RHEB: variants seen among roughly 807,000 people sequenced by gnomAD.
The protein encoded by RHEB is GTP-binding protein Rheb.
A neutral mutation model predicts 28.8 loss-of-function variants in RHEB; 2 were observed. That is an observed-to-expected ratio of 0.07 (90% CI 0.03 to 0.22). The LOEUF (loss-of-function observed/expected upper bound fraction) is 0.22. Among genes scored for constraint, RHEB ranks in the 10% least tolerant of loss-of-function variants. RHEB has a pLI of 1.00. For synonymous variants in RHEB, 69 were observed against 77.3 expected, an observed-to-expected ratio of 0.89 and a Z score of 0.56; for missense variants, 76 against 219.9, an observed-to-expected ratio of 0.35 and a Z score of 4.14.
rs879413278 is a variant in RHEB at position 151,472,523 on chromosome 7, G to A, written c.276-918C>T. Among the ~76,000 whole-genome samples the A allele has an allele frequency of 2.0e-4, 31 of 152,184 alleles. No individual in the cohort carries two copies. Among genetic ancestry groups the A allele is most frequent in the African/African-American group, 9.7e-5 (4 of 41,438 alleles). ...CTCCCAAAGTGCTGGGATTACAGGC[G>A]TGAGCCACCACACCCAGCCTCAAAT... On this transcript the variant is annotated intron_variant, in intron 4 of 7. Transcript: ENST00000262187. The surrounding 1 kb of genome is among the most constrained non-coding windows in gnomAD (Gnocchi z 5.2).
chr7:151,498,832 C>G (rs1802718763), intron 1 of RHEB, among the ~76,000 whole-genome samples: 1 of 152,208 alleles, frequency 6.6e-6, no homozygotes, highest in South Asian at 2.1e-4. Flanking sequence ...CGTCCTTTCT[C>G]CCAGCTCTAC....
chr7:151,506,383 G>C (rs563579480), intron 1 of RHEB, among the ~76,000 whole-genome samples: 1 of 152,060 alleles, frequency 6.6e-6, no homozygotes, highest in African/African-American at 2.4e-5. Flanking sequence ...GTATGAGATG[G>C]TGGTTATTAG....
chr7:151,512,287 G>A (rs1803005410), intron 1 of RHEB, among the ~76,000 whole-genome samples: 1 of 152,158 alleles, frequency 6.6e-6, no homozygotes, highest in African/African-American at 2.4e-5. Context: ...GTGCATCTCT[G>A]ACCTTCCACA....
At chr7:151,490,852 C>T (rs1385068763) in intron 2 of RHEB, 91 bp downstream of exon 2, 1 of 942,870 alleles carries the variant, frequency 1.1e-6, no homozygotes, top group Non-Finnish European at 1.8e-6. Context: ...CAGAATTTAC[C>T]TCCTGCACTC....
intron 1 of RHEB, among the ~76,000 whole-genome samples, chr7:151,514,802 T>G (rs1803046583): frequency 6.6e-6 from 1 of 152,230 alleles, no homozygotes; most frequent in Admixed American, 6.5e-5. Flanking sequence ...ACTGGGAGAC[T>G]GAGACCAGAG....
At chr7:151,471,660 T>G (rs1802163958) in intron 4 of RHEB, 55 bp from the exon 5 acceptor site, 1 of 1,138,048 alleles carries the variant, frequency 8.8e-7, no homozygotes, top group Admixed American at 2.1e-5. Flanking sequence ...AGTTTTTAAA[T>G]GTATGTTATG....
At chr7:151,473,053 C>T (rs765114476) in intron 4 of RHEB, among the ~76,000 whole-genome samples, 130 of 152,344 alleles carry the variant, frequency 8.5e-4, no homozygotes, top group Non-Finnish European at 1.5e-3. Context: ...GAGCCGGCTC[C>T]CAGATCTCCT....
At chr7:151,518,263 G>A (rs1803117126) in intron 1 of RHEB, among the ~76,000 whole-genome samples, 1 of 152,186 alleles carries the variant, frequency 6.6e-6, no homozygotes, top group African/African-American at 2.4e-5. Flanking sequence ...AGCATGCAGT[G>A]GCTGATCTTG....
At chr7:151,498,029 T>C (rs747239611) in intron 1 of RHEB, 23 of 980,888 alleles carry the variant, frequency 2.3e-5, no homozygotes, top group East Asian at 1.8e-4. Flanking sequence ...CACTTGACCA[T>C]GAAGATGAAT....
At chr7:151,484,606 TG>T (rs1175104359) in intron 3 of RHEB, 130 bp downstream of exon 3, 7 of 641,688 alleles carry the variant, frequency 1.1e-5, no homozygotes, top group Admixed American at 5.6e-5. Context: ...GCCAAACCAT[TG>T]GGAGTCAGGG....
chr7:151,492,485 T>C (rs577820950), intron 1 of RHEB, among the ~76,000 whole-genome samples: 5 of 151,826 alleles, frequency 3.3e-5, no homozygotes, highest in African/African-American at 1.2e-4. Context: ...AGCGTGGTGA[T>C]GGGCACCTGC....
intron 3 of RHEB, among the ~76,000 whole-genome samples, chr7:151,481,654 T>C (rs923853928): frequency 4.6e-5 from 7 of 152,248 alleles, no homozygotes; most frequent in African/African-American, 1.7e-4. Flanking sequence ...ACATCTTTAA[T>C]TTATTGTCTC....
intron 1 of RHEB, chr7:151,501,994 T>C (rs1802780575): frequency 2.5e-5 from 14 of 557,388 alleles, no homozygotes; most frequent in Admixed American, 4.5e-5. Flanking sequence ...TCCCAGCACT[T>C]TGAGGCCGAG....
intron 1 of RHEB, among the ~76,000 whole-genome samples, chr7:151,511,022 G>T (rs970875074): frequency 6.6e-6 from 1 of 152,050 alleles, no homozygotes; most frequent in African/African-American, 2.4e-5. Context: ...AAGCTGCAGT[G>T]TGCCGAGATC....
chr7:151,513,137 T>C (rs1803020865), intron 1 of RHEB, among the ~76,000 whole-genome samples: 1 of 152,186 alleles, frequency 6.6e-6, no homozygotes. Flanking sequence ...CAAAATGAGA[T>C]GTACACATAA....
intron 2 of RHEB, among the ~76,000 whole-genome samples, chr7:151,488,180 T>C (rs796692730): frequency 6.6e-6 from 1 of 152,222 alleles, no homozygotes; most frequent in African/African-American, 2.4e-5. Context: ...AGTTGTTAGA[T>C]TAACACTACA....
intron 1 of RHEB, 38 bp downstream of exon 1, chr7:151,519,422 G>C: frequency 1.5e-6 from 2 of 1,367,950 alleles, no homozygotes; most frequent in South Asian, 3.3e-5. Context: ...GCGAGGCCCC[G>C]GCGGCGCGAG....
chr7:151,496,164 G>A (rs1167008884), intron 1 of RHEB, among the ~76,000 whole-genome samples: 1 of 152,138 alleles, frequency 6.6e-6, no homozygotes, highest in Admixed American at 6.5e-5. Flanking sequence ...GGGCTTTGAT[G>A]ACCATGGACA....
intron 1 of RHEB, among the ~76,000 whole-genome samples, chr7:151,496,341 A>G (rs915544878): frequency 5.3e-5 from 8 of 152,116 alleles, no homozygotes; most frequent in African/African-American, 1.9e-4. Context: ...AATACACAGT[A>G]TTCCCCAGTG....
Sources: allele counts gnomAD v4.1 joint callset (sites outside exome capture counted in the v4.1 genomes callset), GRCh38; gene constraint gnomAD v4.1.1; non-coding constraint Gnocchi (gnomAD v3.1); transcripts MANE v1.5; gene names NCBI Gene and HGNC (gene_info 2026-07-23, HGNC 2026-07-21).